Variants in SRC observed in about 807,000 individuals in gnomAD.
SRC encodes the protein SRC proto-oncogene, non-receptor tyrosine kinase.
SRC carries 13 observed loss-of-function variants against 62.9 expected under a neutral mutation model. The ratio of observed to expected loss-of-function variants is 0.21; its 90% CI spans 0.13 to 0.33. The LOEUF (loss-of-function observed/expected upper bound fraction) is 0.33. SRC is among the 10% of genes least tolerant of loss of function. The pLI, the probability that SRC is intolerant of heterozygous loss-of-function variation, is 1.00. For synonymous variants in SRC, 302 were observed against 317.5 expected (o/e 0.95, Z 0.52); for missense variants, 457 against 737.3 (o/e 0.62, Z 4.40).
chr20:37,400,392 A>G (rs1416011552), intron 10 of SRC, 98 bp downstream of exon 10: 1 of 1,171,432 alleles, frequency 8.5e-7, no homozygotes, highest in Non-Finnish European at 1.2e-6. Context: ...GGCATCTTCA[A>G]AGGTGGAATG....
chr20:37,393,759 C>CA, intron 5 of SRC, 136 bp from the exon 6 acceptor site: 4 of 635,044 alleles, frequency 6.3e-6, no homozygotes, highest in Non-Finnish European at 1.1e-5. Flanking sequence ...TGTGGGGACT[C>CA]ACGCTGGCCC....
intron 5 of SRC, among the ~76,000 whole-genome samples, chr20:37,389,104 C>T (rs953687530): frequency 6.6e-6 from 1 of 152,128 alleles, no homozygotes; most frequent in African/African-American, 2.4e-5. Flanking sequence ...CAGTAGCAGA[C>T]CCAGAGATCC....
At chr20:37,353,627 G>A (rs746785147) in intron 1 of SRC, among the ~76,000 whole-genome samples, 14 of 152,052 alleles carry the variant, frequency 9.2e-5, no homozygotes, top group Non-Finnish European at 1.8e-4. Context: ...CAGCAGCCTC[G>A]CGGGGTAGTG....
chr20:37,383,632 T>G (rs1483994203), intron 3 of SRC: 1 of 155,394 alleles, frequency 6.4e-6, no homozygotes, highest in Non-Finnish European at 1.4e-5. Context: ...CCTTTACGGA[T>G]GGATGCCATC....
upstream of SRC, chr20:37,346,103 C>G (rs1017867127): frequency 6.5e-6 from 1 of 153,882 alleles, no homozygotes; most frequent in African/African-American, 2.4e-5. Flanking sequence ...CTCCTCCTCC[C>G]TTTCTCTCTC....
intron 1 of SRC, among the ~76,000 whole-genome samples, chr20:37,349,229 A>G (rs2069766296): frequency 6.6e-6 from 1 of 152,182 alleles, no homozygotes; most frequent in Non-Finnish European, 1.5e-5. Context: ...AGGTCTCAAG[A>G]GGAGCGGGTA....
At chr20:37,355,231 C>T (rs1369466310) in intron 1 of SRC, among the ~76,000 whole-genome samples, 1 of 151,716 alleles carries the variant, frequency 6.6e-6, no homozygotes, top group Non-Finnish European at 1.5e-5. Flanking sequence ...CAGCCTCCTG[C>T]CCTCCCCACC....
rs1173914321 is a variant in SRC at position 37,403,207 on chromosome 20, G to A, written c.1439G>A (p.Arg480Gln). 1.9e-6 allele frequency: 3 copies of A among 1,565,268 alleles called. No homozygotes were observed. Among genetic ancestry groups the A allele is most frequent in the African/African-American group, 1.4e-5 (1 of 73,988 alleles). The change falls in exon 14 of 14, where the codon CGG becomes CAG. Residue 480 changes from arginine (R) to glutamine (Q), a missense_variant. This residue lies in a region of SRC where 168 missense variants were observed against 357.8 expected (regional missense o/e 0.47). Coordinates refer to ENST00000373578, the MANE Select transcript of SRC (RefSeq NM_198291.3). The surrounding 1 kb of genome is among the most constrained non-coding windows in gnomAD (Gnocchi z 7.1). Reference protein sequence around the residue: ...VNREVLDQVERGYRMPCPPEC... With the variant: ...VNREVLDQVEQGYRMPCPPEC... ...CGCGAGGTGCTGGACCAGGTGGAGC[G>A]GGGCTACCGGATGCCCTGCCCGCCG...
rs2070060766 is a variant in SRC, at chr20:37,366,281, A to T, written c.-173+1004A>T. Among the ~76,000 whole-genome samples, 2 of 152,200 alleles carry T rather than the reference A, an allele frequency of 1.3e-5. 1 individual carries two copies. The highest frequency in any genetic ancestry group is 4.1e-4 in the South Asian group (2 of 4,828). Reference sequence around the variant, plus strand: ...CTGTTCTCCTCACTCTCACCAGCATAAATTGCATAAGTGCAATTTGCCAAT... The same window carrying T: ...CTGTTCTCCTCACTCTCACCAGCATTAATTGCATAAGTGCAATTTGCCAAT... On this transcript the variant is annotated intron_variant, in intron 2 of 13. Coordinates refer to ENST00000373578, the MANE Select transcript of SRC (RefSeq NM_198291.3).
At chr20:37,366,871 C>T (rs1176192344) in intron 2 of SRC, among the ~76,000 whole-genome samples, 1 of 152,126 alleles carries the variant, frequency 6.6e-6, no homozygotes, top group Non-Finnish European at 1.5e-5. Flanking sequence ...TTTTTCATTT[C>T]TTTCGAGTGT....
chr20:37,379,185 C>T (rs1035699905), intron 2 of SRC, among the ~76,000 whole-genome samples: 13 of 152,180 alleles, frequency 8.5e-5, no homozygotes, highest in African/African-American at 2.6e-4. Flanking sequence ...CCAGAGCCCA[C>T]GGTGAGGAGT....
intron 9 of SRC, among the ~76,000 whole-genome samples, chr20:37,399,100 G>A (rs890453562): frequency 1.3e-5 from 2 of 152,210 alleles, no homozygotes; most frequent in Non-Finnish European, 2.9e-5. Context: ...TACTTACTGA[G>A]CCCTCACGGT....
chr20:37,368,518 C>CTTTTTTTTTTTTTCTTTTTTTTTT (rs2070102370), intron 2 of SRC, among the ~76,000 whole-genome samples: 1 of 73,898 alleles, frequency 1.4e-5, no homozygotes, highest in Admixed American at 2.1e-4. Context: ...CCTATATTTT[C>CTTTTTTTTTTTTTCTTTTTTTTTT]TTTTTTTTTT....
At chr20:37,352,805 G>A (rs569643158) in intron 1 of SRC, among the ~76,000 whole-genome samples, 101 of 152,274 alleles carry the variant, frequency 6.6e-4, no homozygotes, top group Non-Finnish European at 1.1e-3. Flanking sequence ...GCCTGACCGG[G>A]GTTATCGGGC....
chr20:37,372,186 T>TG (rs2070176892), intron 2 of SRC, among the ~76,000 whole-genome samples: 1 of 110,862 alleles, frequency 9.0e-6, no homozygotes, highest in Non-Finnish European at 1.7e-5. Flanking sequence ...GTGTGTGTGT[T>TG]TTTTAGAGAT....
At chr20:37,368,535 T>TTTTTTTTG (rs2070107758) in intron 2 of SRC, among the ~76,000 whole-genome samples, 2 of 124,490 alleles carry the variant, frequency 1.6e-5, no homozygotes, top group African/African-American at 6.9e-5. Context: ...TTTTTTTTTT[T>TTTTTTTTG]TTTTTTTTGT....
chr20:37,385,928 C>T, intron 4 of SRC, 147 bp from the exon 5 acceptor site: 2 of 691,264 alleles, frequency 2.9e-6, no homozygotes, highest in Non-Finnish European at 5.2e-6. Context: ...CGTGCACAGG[C>T]CCATCTTCAC....
chr20:37,381,603 C>T (rs1385274038), intron 2 of SRC, among the ~76,000 whole-genome samples: 1 of 152,176 alleles, frequency 6.6e-6, no homozygotes, highest in East Asian at 1.9e-4. Context: ...GCTAATTCGT[C>T]TCTATGTCCC....
chr20:37,385,307 C>G (rs1256040642), intron 4 of SRC, among the ~76,000 whole-genome samples: 1 of 152,246 alleles, frequency 6.6e-6, no homozygotes, highest in Non-Finnish European at 1.5e-5. Context: ...GACGCACGCC[C>G]AAGCGAGAGA....
Sources: allele counts gnomAD v4.1 joint callset (sites outside exome capture counted in the v4.1 genomes callset), GRCh38; gene constraint gnomAD v4.1.1; regional missense constraint gnomAD v4.1.1; non-coding constraint Gnocchi (gnomAD v3.1); transcripts MANE v1.5; gene names NCBI Gene and HGNC (gene_info 2026-07-23, HGNC 2026-07-21).